Variants in MCTP1 observed in about 807,000 individuals in gnomAD.
The protein encoded by MCTP1 is multiple C2 and transmembrane domain-containing protein 1.
In MCTP1, 69 loss-of-function variants were observed where a neutral mutation model predicts 120.6. The observed-to-expected ratio is 0.57, with a 90% confidence interval of 0.47 to 0.70. The LOEUF (loss-of-function observed/expected upper bound fraction) is 0.70. Among genes scored for constraint, MCTP1 ranks in the 30% least tolerant of loss-of-function variants. The pLI is 0.00. For synonymous variants in MCTP1, 529 were observed against 493.1 expected, an observed-to-expected ratio of 1.07 and a Z score of -0.96; for missense variants, 1,203 against 1,248.8, an observed-to-expected ratio of 0.96 and a Z score of 0.55.
intron 2 of MCTP1, among the ~76,000 whole-genome samples, chr5:95,013,348 C>T (rs1836410413): frequency 6.6e-6 from 1 of 152,150 alleles, no homozygotes; most frequent in Admixed American, 6.6e-5. Context: ...ACGGTTGCTA[C>T]ACTAAACAAC....
In MCTP1 at chr5:94,957,103, G is replaced by A. The variant is rs565633337; in HGVS notation, c.839-3742C>T. 2.0e-5 allele frequency among the ~76,000 whole-genome samples: 3 copies of A among 152,238 alleles called. No individual in the cohort carries two copies. In the South Asian group the frequency reaches 6.2e-4, roughly 32 times the overall value. ...TTCTACAAGCCAGAAGAGACTGGGG[G>A]CCAATATTCAACATTCTTAAAGAAA... On this transcript the variant is annotated intron_variant, in intron 2 of 22. Coordinates refer to ENST00000515393, the MANE Select transcript of MCTP1 (RefSeq NM_024717.7).
intron 17 of MCTP1, among the ~76,000 whole-genome samples, chr5:94,828,718 C>T (rs545628510): frequency 6.6e-6 from 1 of 152,304 alleles, no homozygotes; most frequent in East Asian, 1.9e-4. Flanking sequence ...GTGGGCTCTG[C>T]CCATTCCGAA....
In MCTP1 at chr5:95,255,113, C is replaced by T. The variant is rs1266575147; in HGVS notation, c.720+28743G>A. On this transcript the variant is annotated intron_variant, in intron 1 of 22. Coordinates refer to ENST00000515393, the MANE Select transcript of MCTP1 (RefSeq NM_024717.7). ...GAGTATGGTCATAAAAATCTGAAAG[C>T]CACTGTTCTATTCCAAATTGATAAG... Among the ~76,000 whole-genome samples the T allele has an allele frequency of 3.3e-5, 5 of 152,244 alleles. No homozygotes were observed. The East Asian group carries it at 7.7e-4, about 24-fold the overall frequency.
rs374566649 is a variant in MCTP1, at chr5:94,751,415, G to C, written c.2610+27695C>G. ...AAGGGGCAAGGTGGGGTGGAGACAG[G>C]GGGTGAGGATGAGCATGAAGAAAAA... On this transcript the variant is annotated intron_variant, in intron 19 of 22. Coordinates refer to ENST00000515393, the MANE Select transcript of MCTP1 (RefSeq NM_024717.7). Among the ~76,000 whole-genome samples the C allele has an allele frequency of 2.3e-3, 344 of 151,364 alleles. 1 individual carries two copies. Among genetic ancestry groups the C allele is most frequent in the Non-Finnish European group, 3.5e-3 (235 of 67,924 alleles).
intron 1 of MCTP1, among the ~76,000 whole-genome samples, chr5:95,142,900 G>A (rs763860125): frequency 9.9e-5 from 15 of 152,228 alleles, no homozygotes; most frequent in East Asian, 1.9e-4. Flanking sequence ...AACTCGAGCC[G>A]GTGAACAAAC....
intron 1 of MCTP1, among the ~76,000 whole-genome samples, chr5:95,178,920 CA>C (rs1475824954): frequency 6.6e-6 from 1 of 151,936 alleles, no homozygotes; most frequent in African/African-American, 2.4e-5. Flanking sequence ...TTAAAGAAAT[CA>C]AAAACATGAT....
chr5:94,860,585 A>G (rs1795590051), intron 17 of MCTP1, among the ~76,000 whole-genome samples: 1 of 151,798 alleles, frequency 6.6e-6, no homozygotes, highest in Admixed American at 6.6e-5. Flanking sequence ...CCGTATGGGA[A>G]TAATTCATAT....
chr5:95,201,489 T>G (rs1187868920), intron 1 of MCTP1, among the ~76,000 whole-genome samples: 23 of 39,644 alleles, frequency 5.8e-4, no homozygotes, highest in Non-Finnish European at 1.2e-3. Flanking sequence ...TTTTTTTTTT[T>G]TTTTTTTTTT....
chr5:94,802,203 T>A (rs1282863655), intron 17 of MCTP1, among the ~76,000 whole-genome samples: 2 of 152,144 alleles, frequency 1.3e-5, no homozygotes, highest in Non-Finnish European at 2.9e-5. Flanking sequence ...AAATATATAT[T>A]TTTAAAACAT....
At chr5:95,258,061 C>G (rs982808978) in intron 1 of MCTP1, among the ~76,000 whole-genome samples, 1 of 152,148 alleles carries the variant, frequency 6.6e-6, no homozygotes, top group Non-Finnish European at 1.5e-5. Flanking sequence ...ACTCAACCTT[C>G]AAAGAGGTGG....
chr5:94,870,660 C>A (rs578126302), intron 15 of MCTP1, among the ~76,000 whole-genome samples, 169 bp from the exon 16 acceptor site: 2 of 152,146 alleles, frequency 1.3e-5, no homozygotes, highest in South Asian at 4.1e-4. Flanking sequence ...TTTCTTATGC[C>A]GGTAGACAGC....
intron 17 of MCTP1, among the ~76,000 whole-genome samples, chr5:94,832,859 G>A (rs1474524151): frequency 1.3e-5 from 2 of 152,154 alleles, no homozygotes; most frequent in African/African-American, 2.4e-5. Flanking sequence ...CCTAAATAAC[G>A]GTTAAAACAC....
intron 2 of MCTP1, among the ~76,000 whole-genome samples, chr5:94,998,351 T>G (rs1833009261): frequency 6.6e-6 from 1 of 152,046 alleles, no homozygotes; most frequent in South Asian, 2.1e-4. Context: ...GAAAATCGAG[T>G]AGCCACAGCA....
intron 17 of MCTP1, chr5:94,867,266 A>G: frequency 6.6e-7 from 1 of 1,514,756 alleles, no homozygotes; most frequent in East Asian, 2.5e-5. Context: ...CTTTAGGGAG[A>G]CAACAACACG....
chr5:95,020,951 A>G (rs998812428), intron 1 of MCTP1, among the ~76,000 whole-genome samples: 6 of 152,028 alleles, frequency 3.9e-5, no homozygotes, highest in African/African-American at 1.4e-4. Context: ...GATTACAATG[A>G]CTTTAAATTC....
intron 1 of MCTP1, among the ~76,000 whole-genome samples, chr5:95,071,843 A>G (rs943812411): frequency 3.9e-5 from 6 of 152,132 alleles, no homozygotes; most frequent in Admixed American, 2.6e-4. Context: ...CACTGACTAG[A>G]TTTTTGTTAA....
intron 2 of MCTP1, among the ~76,000 whole-genome samples, chr5:94,984,152 T>G (rs1228351036): frequency 1.3e-5 from 2 of 152,218 alleles, no homozygotes; most frequent in African/African-American, 4.8e-5. Flanking sequence ...GATGTCAGTA[T>G]CCTCCATAAG....
intron 2 of MCTP1, among the ~76,000 whole-genome samples, chr5:94,982,146 G>A (rs1006848507): frequency 6.6e-6 from 1 of 152,022 alleles, no homozygotes; most frequent in Non-Finnish European, 1.5e-5. Flanking sequence ...TAACCTAAAG[G>A]TTAATGATAC....
At chr5:95,028,682 C>G (rs952188948) in intron 1 of MCTP1, among the ~76,000 whole-genome samples, 1 of 152,160 alleles carries the variant, frequency 6.6e-6, no homozygotes, top group East Asian at 1.9e-4. Context: ...TGTAGATGGA[C>G]CACTCTCTTT....
Sources: gnomAD v4.1 joint callset for allele counts (sites outside exome capture counted in the v4.1 genomes callset) on GRCh38, gnomAD v4.1.1 for gene constraint, MANE v1.5 for transcripts, NCBI Gene and HGNC (gene_info 2026-07-23, HGNC 2026-07-21) for gene names.